The following GPHN variants were observed in gnomAD, a reference collection of about 807,000 sequenced individuals.
GPHN encodes gephyrin.
Under a neutral mutation model 95.5 loss-of-function variants are expected in GPHN, and 17 were observed. The ratio of observed to expected loss-of-function variants is 0.18; its 90% CI spans 0.12 to 0.27. The LOEUF is 0.27. Ranked by LOEUF, GPHN falls within the 10% of genes least tolerant of loss-of-function variation. The pLI is 1.00. For missense variants in GPHN, 660 were observed against 978.1 expected (o/e 0.67, Z 4.34); for synonymous variants, 320 against 322.5 (o/e 0.99, Z 0.08).
At chr14:67,705,948 A>G in the GPHN span, 2 of 152,244 alleles carry the variant, frequency 1.3e-5, no homozygotes, top group Non-Finnish European at 2.9e-5. Flanking sequence ...GTTAATTAGT[A>G]AAGATATCAG....
chr14:67,568,149 T>C, the GPHN span, among the ~76,000 whole-genome samples: 1 of 152,182 alleles, frequency 6.6e-6, no homozygotes, highest in East Asian at 1.9e-4. Context: ...TTCCCACATA[T>C]GTTCATCACA....
the GPHN span, among the ~76,000 whole-genome samples, chr14:67,413,397 G>A: frequency 1.6e-4 from 24 of 152,254 alleles, no homozygotes; most frequent in African/African-American, 3.9e-4. Context: ...TCATGGGGCC[G>A]GTCCATATTA....
intron 13 of GPHN, among the ~76,000 whole-genome samples, chr14:67,105,492 T>C (rs2077984689): frequency 6.6e-6 from 1 of 152,174 alleles, no homozygotes; most frequent in East Asian, 1.9e-4. Flanking sequence ...AAATAATACC[T>C]GCTTTATAGT....
the GPHN span, among the ~76,000 whole-genome samples, chr14:67,192,260 G>A: frequency 5.3e-5 from 8 of 152,150 alleles, no homozygotes; most frequent in African/African-American, 1.9e-4. Flanking sequence ...AGAATAACTT[G>A]TGACAAAAGA....
chr14:67,579,890 AC>A, the GPHN span: 1 of 1,585,220 alleles, frequency 6.3e-7, no homozygotes, highest in South Asian at 1.2e-5. Context: ...ACAGCCTCCC[AC>A]TAAGCCAGCT....
At chr14:66,649,070 G>A (rs1411569337) in intron 1 of GPHN, among the ~76,000 whole-genome samples, 1 of 152,194 alleles carries the variant, frequency 6.6e-6, no homozygotes, top group Non-Finnish European at 1.5e-5. Flanking sequence ...GGTGGCTCAC[G>A]CCTGTAATCC....
the GPHN span, among the ~76,000 whole-genome samples, chr14:67,510,027 T>TA: frequency 0.025 from 2,100 of 83,836 alleles, 62 homozygotes; most frequent in African/African-American, 0.06. Flanking sequence ...ATTTTTTTAT[T>TA]AAAAAAAAAA....
chr14:67,136,830 T>C (rs867001357), intron 17 of GPHN, among the ~76,000 whole-genome samples: 1 of 152,148 alleles, frequency 6.6e-6, no homozygotes. Flanking sequence ...AATGGTTAGG[T>C]ATTTAATTAT....
the GPHN span, among the ~76,000 whole-genome samples, chr14:67,568,619 A>T: frequency 1.6e-4 from 24 of 152,282 alleles, no homozygotes; most frequent in South Asian, 1.5e-3. Flanking sequence ...ATTATTTTTT[A>T]AAAAAAGAAA....
chr14:67,528,635 T>C, the GPHN span, among the ~76,000 whole-genome samples: 2 of 152,152 alleles, frequency 1.3e-5, no homozygotes, highest in African/African-American at 4.8e-5. Context: ...AGCTCCCAAC[T>C]CAGGTGCTCT....
chr14:67,661,984 A>G, the GPHN span, among the ~76,000 whole-genome samples: 8 of 151,762 alleles, frequency 5.3e-5, no homozygotes, highest in Non-Finnish European at 8.8e-5. Flanking sequence ...GTGAAACCCC[A>G]TCTCTACTGA....
At chr14:66,614,886 G>T (rs1222766511) in intron 1 of GPHN, among the ~76,000 whole-genome samples, 1 of 151,956 alleles carries the variant, frequency 6.6e-6, no homozygotes, top group Non-Finnish European at 1.5e-5. Context: ...CACCCAACAG[G>T]TCCTGGTGTT....
At chr14:67,390,615 G>A in the GPHN span, 4 of 1,273,816 alleles carry the variant, frequency 3.1e-6, no homozygotes, top group Non-Finnish European at 4.6e-6. Context: ...AGGAGTGTCT[G>A]GGGGCATCAC....
chr14:67,311,506 A>C, the GPHN span, among the ~76,000 whole-genome samples: 12 of 152,166 alleles, frequency 7.9e-5, no homozygotes, highest in East Asian at 2.3e-3. Context: ...CATTAGATGA[A>C]GTAGATTTCT....
the GPHN span, among the ~76,000 whole-genome samples, chr14:67,645,054 A>G: frequency 6.6e-6 from 1 of 151,818 alleles, no homozygotes. Flanking sequence ...AACATGCAAT[A>G]CATCTTTTTA....
the GPHN span, among the ~76,000 whole-genome samples, chr14:67,354,882 C>T: frequency 1.3e-5 from 2 of 152,172 alleles, no homozygotes; most frequent in East Asian, 1.9e-4. Flanking sequence ...GGCGCGATCT[C>T]GGCTCACTGC....
chr14:67,628,744 G>A, the GPHN span, among the ~76,000 whole-genome samples: 2 of 152,348 alleles, frequency 1.3e-5, no homozygotes, highest in Non-Finnish European at 2.9e-5. Context: ...TGTTGATGAA[G>A]ATGTGGAGAA....
chr14:66,785,819 G>T (rs1323898254), intron 3 of GPHN, among the ~76,000 whole-genome samples: 2 of 148,370 alleles, frequency 1.3e-5, no homozygotes, highest in Admixed American at 6.7e-5. Context: ...AATCAAATAA[G>T]ATGTCTCAAA....
intron 17 of GPHN, among the ~76,000 whole-genome samples, chr14:67,139,325 C>T (rs754058650): frequency 8.5e-5 from 13 of 152,080 alleles, no homozygotes; most frequent in Non-Finnish European, 1.9e-4. Flanking sequence ...GTCTTGAACT[C>T]CGGGGCTCAA....
Sources: gnomAD v4.1 joint callset for allele counts (sites outside exome capture counted in the v4.1 genomes callset) on GRCh38, gnomAD v4.1.1 for gene constraint, MANE v1.5 for transcripts, NCBI Gene and HGNC (gene_info 2026-07-23, HGNC 2026-07-21) for gene names.